The following ZNF385D variants were observed in gnomAD, a reference collection of about 807,000 sequenced individuals.
ZNF385D encodes zinc finger protein 385D.
A neutral mutation model predicts 35.8 loss-of-function variants in ZNF385D; 15 were observed. The observed-to-expected ratio is 0.42, with a 90% CI of 0.28 to 0.64. The LOEUF is 0.64. ZNF385D is among the 30% of genes least tolerant of loss of function. The probability of loss-of-function intolerance (pLI) is 0.23; values close to 1 mark genes in which losing one functional copy is unlikely to be tolerated. For missense variants in ZNF385D, 474 were observed against 494.6 expected, an observed-to-expected ratio of 0.96 and a Z score of 0.39; for synonymous variants, 212 against 186.8, an observed-to-expected ratio of 1.13 and a Z score of -1.10.
At chr3:22,364,402 T>C (rs921025979) in intron 2 of ZNF385D, among the ~76,000 whole-genome samples, 2 of 151,958 alleles carry the variant, frequency 1.3e-5, no homozygotes, top group African/African-American at 2.4e-5. Context: ...ACTCCTAAAA[T>C]GCAACAACAA....
chr3:21,984,936 T>G (rs1694722113), intron 3 of ZNF385D, among the ~76,000 whole-genome samples: 1 of 149,294 alleles, frequency 6.7e-6, no homozygotes, highest in African/African-American at 2.4e-5. Flanking sequence ...CAATTGTGAA[T>G]GGGAGTTCAC....
chr3:21,886,083 T>A (rs1698532822), intron 3 of ZNF385D, among the ~76,000 whole-genome samples: 1 of 152,144 alleles, frequency 6.6e-6, no homozygotes, highest in African/African-American at 2.4e-5. Flanking sequence ...CCAGTCAAGT[T>A]GGCACATAAA....
chr3:21,730,244 C>T (rs756101882), intron 1 of ZNF385D, among the ~76,000 whole-genome samples: 28 of 152,116 alleles, frequency 1.8e-4, no homozygotes, highest in Non-Finnish European at 3.7e-4. Context: ...CTCTGAAAAG[C>T]CTGCCATCTA....
chr3:21,888,687 G>C (rs930888820), intron 3 of ZNF385D, among the ~76,000 whole-genome samples: 2 of 152,152 alleles, frequency 1.3e-5, no homozygotes, highest in African/African-American at 4.8e-5. Context: ...GCAAGTAGAG[G>C]GTAGAGGAGG....
rs74833546 is a variant in ZNF385D at position 21,927,457 on chromosome 3, G to A, written c.325+241360C>T. Among the ~76,000 whole-genome samples the A allele has an allele frequency of 5.0e-3, 766 of 152,138 alleles. 3 individuals carry two copies. The highest frequency in any genetic ancestry group is 0.017 in the Middle Eastern group (5 of 294). ...TATTTATAATAAGTGAAAACAACTCGTATGTTCTTCAACTGGTAAATGATT... is the reference window on the plus strand; with the variant it reads ...TATTTATAATAAGTGAAAACAACTCATATGTTCTTCAACTGGTAAATGATT... On this transcript the variant is annotated intron_variant, in intron 3 of 5. Coordinates refer to the ZNF385D transcript ENST00000494108.
intron 3 of ZNF385D, among the ~76,000 whole-genome samples, chr3:22,009,464 A>T (rs1048581611): frequency 3.9e-5 from 6 of 152,198 alleles, no homozygotes; most frequent in African/African-American, 1.4e-4. Context: ...TCTACTAAAA[A>T]TACCAAAAAT....
intron 2 of ZNF385D, among the ~76,000 whole-genome samples, chr3:22,262,803 C>CA (rs1185034158): frequency 1.3e-5 from 2 of 151,904 alleles, no homozygotes; most frequent in African/African-American, 4.8e-5. Context: ...TGCTTATCCT[C>CA]AACATCCTCA....
chr3:21,531,031 G>A (rs547141973), intron 3 of ZNF385D, among the ~76,000 whole-genome samples: 6 of 152,100 alleles, frequency 3.9e-5, no homozygotes, highest in East Asian at 1.9e-4. Context: ...TAAAGAAAAC[G>A]GTGAATTTTA....
intron 2 of ZNF385D, among the ~76,000 whole-genome samples, chr3:22,354,719 A>G (rs1403560847): frequency 6.6e-6 from 1 of 152,124 alleles, no homozygotes; most frequent in East Asian, 1.9e-4. Context: ...GCAGACAATA[A>G]CAGAGAACAT....
chr3:21,425,398 C>T, intron 6 of ZNF385D, 94 bp downstream of exon 6: 1 of 1,333,510 alleles, frequency 7.5e-7, no homozygotes, highest in South Asian at 1.8e-5. Context: ...GTGAATGGGA[C>T]AGAAAGACAG....
rs138948189 is a variant in ZNF385D at position 22,279,241 on chromosome 3, C to T, written c.106+93209G>A. Among the ~76,000 whole-genome samples, 4 of 151,916 alleles carry T rather than the reference C, an allele frequency of 2.6e-5. No individual in the cohort carries two copies. In the East Asian group the frequency reaches 7.8e-4, roughly 30 times the overall value. ...ATGTGCACTATACCCAATGTGTAGT[C>T]TTTTATCCCTCACACCCCTCCCACT... On this transcript the variant is annotated intron_variant, in intron 2 of 5. Transcript: ENST00000494108.
chr3:21,757,700 CA>C (rs1183968474), intron 3 of ZNF385D, among the ~76,000 whole-genome samples: 1 of 152,148 alleles, frequency 6.6e-6, no homozygotes, highest in East Asian at 1.9e-4. Flanking sequence ...CTTTATATTT[CA>C]ACATATACAT....
chr3:21,526,322 T>TAC (rs1327445241), intron 3 of ZNF385D, among the ~76,000 whole-genome samples: 1 of 152,128 alleles, frequency 6.6e-6, no homozygotes, highest in Non-Finnish European at 1.5e-5. Context: ...GCAGAAGGGC[T>TAC]ACACAGGTGC....
chr3:21,522,828 T>G (rs1707999003), intron 3 of ZNF385D, among the ~76,000 whole-genome samples: 1 of 152,158 alleles, frequency 6.6e-6, no homozygotes, highest in African/African-American at 2.4e-5. Context: ...AAATTTTTTG[T>G]TTTCTGCCTG....
Position 22,221,455 on chromosome 3 carries a change from G to A in ZNF385D, c.107-52420C>T, listed in dbSNP as rs951714237. Among the ~76,000 whole-genome samples the A allele has an allele frequency of 3.3e-5, 5 of 151,956 alleles. No homozygotes were observed. In the East Asian group the frequency reaches 5.8e-4, roughly 18 times the overall value. Reference sequence around the variant, plus strand: ...AATTAATTTATATGATAATCTGTACGCACATTAAAGTTTGACAAGCATTGC... The same window carrying A: ...AATTAATTTATATGATAATCTGTACACACATTAAAGTTTGACAAGCATTGC... On this transcript the variant is annotated intron_variant, in intron 2 of 5. Coordinates refer to the ZNF385D transcript ENST00000494108.
chr3:22,292,957 C>A (rs1368316835), intron 2 of ZNF385D, among the ~76,000 whole-genome samples: 1 of 152,024 alleles, frequency 6.6e-6, no homozygotes, highest in Non-Finnish European at 1.5e-5. Flanking sequence ...AGACATGATG[C>A]CAGTAAGTTT....
intron 3 of ZNF385D, among the ~76,000 whole-genome samples, chr3:21,876,632 T>C (rs556714914): frequency 2.0e-5 from 3 of 152,078 alleles, no homozygotes; most frequent in African/African-American, 7.2e-5. Context: ...CAGAACAGCT[T>C]TTCCATAATG....
intron 3 of ZNF385D, among the ~76,000 whole-genome samples, chr3:22,019,894 C>T (rs1032529824): frequency 6.6e-6 from 1 of 151,724 alleles, no homozygotes; most frequent in South Asian, 2.1e-4. Context: ...ATTCAGTATA[C>T]CTAGTTCACT....
At chr3:22,049,673 T>G (rs1355069164) in intron 3 of ZNF385D, among the ~76,000 whole-genome samples, 10 of 152,218 alleles carry the variant, frequency 6.6e-5, no homozygotes, top group Non-Finnish European at 4.4e-5. Flanking sequence ...GCCTTTATTG[T>G]GTCGAAATAG....
Sources: allele counts gnomAD v4.1 joint callset (sites outside exome capture counted in the v4.1 genomes callset), GRCh38; gene constraint gnomAD v4.1.1; transcripts MANE v1.5; gene names NCBI Gene and HGNC (gene_info 2026-07-23, HGNC 2026-07-21).